The following SDK2 variants were observed in gnomAD, a reference collection of about 807,000 sequenced individuals.
SDK2 encodes the protein sidekick cell adhesion molecule 2, also known as protein sidekick-2.
In SDK2, 105 loss-of-function variants were observed where a neutral mutation model predicts 253.9. That is an observed-to-expected ratio of 0.41 (90% confidence interval 0.35 to 0.49). The LOEUF is 0.49. Among genes scored for constraint, SDK2 ranks in the 20% least tolerant of loss-of-function variants. SDK2 has a pLI of 0.06. For synonymous variants in SDK2, 1,249 were observed against 1,234.9 expected, an observed-to-expected ratio of 1.01 and a Z score of -0.24; for missense variants, 2,608 against 3,003.0, an observed-to-expected ratio of 0.87 and a Z score of 3.07.
chr17:73,371,046 A>T (rs1283950672), intron 36 of SDK2, among the ~76,000 whole-genome samples: 1 of 152,160 alleles, frequency 6.6e-6, no homozygotes, highest in Non-Finnish European at 1.5e-5. Context: ...CCTGGGCAAC[A>T]GAACAAGACT....
intron 1 of SDK2, among the ~76,000 whole-genome samples, chr17:73,596,912 C>A (rs114281234): frequency 0.021 from 3,228 of 152,340 alleles, 43 homozygotes; most frequent in Middle Eastern, 0.061. Flanking sequence ...CGCTTGCTCC[C>A]TCCACCCCTA....
chr17:73,636,598 T>C (rs773606178), intron 1 of SDK2, among the ~76,000 whole-genome samples: 10 of 144,780 alleles, frequency 6.9e-5, no homozygotes, highest in Non-Finnish European at 1.3e-4. Context: ...GGAGAATCAC[T>C]TGAACTTGGG....
intron 34 of SDK2, among the ~76,000 whole-genome samples, chr17:73,380,107 C>T (rs751168996): frequency 2.2e-4 from 33 of 152,150 alleles, no homozygotes; most frequent in Non-Finnish European, 4.0e-4. Context: ...AAGAAACGGG[C>T]GCAGTCACTG....
chr17:73,641,452 T>C (rs1328559537), intron 1 of SDK2, among the ~76,000 whole-genome samples: 1 of 152,158 alleles, frequency 6.6e-6, no homozygotes, highest in African/African-American at 2.4e-5. Context: ...CCAAAGCCAA[T>C]GCTCTTTCTA....
Position 73,431,355 on chromosome 17 carries a change from A to T in SDK2, c.1480+147T>A. 1.4e-6 allele frequency: 1 copy of T among 717,550 alleles called. No homozygotes were observed. The highest frequency in any genetic ancestry group is 2.1e-6 in the Non-Finnish European group (1 of 466,818). 44.4% of individuals were successfully genotyped at this position (717,550 alleles called of 1,614,324 possible). A position where few individuals can be genotyped will look rare whatever the true frequency, so the allele number is the denominator to read the frequency against. On this transcript the variant is annotated intron_variant, in intron 11 of 44. Transcript: ENST00000392650. The surrounding 1 kb of genome is among the most constrained non-coding windows in gnomAD (Gnocchi z 5.6). ...CCACTTTGTCACTGTCCCTCTGATG[A>T]GAAGGGCCCTGACTGGGACAGACAC...
At chr17:73,412,690 C>A (rs992613391) in intron 18 of SDK2, among the ~76,000 whole-genome samples, 2 of 151,944 alleles carry the variant, frequency 1.3e-5, no homozygotes, top group African/African-American at 2.4e-5. Context: ...CCGAGGCAGT[C>A]GAATTACTTG....
chr17:73,424,793 T>C (rs1451090975), intron 12 of SDK2, among the ~76,000 whole-genome samples: 1 of 152,174 alleles, frequency 6.6e-6, no homozygotes, highest in Non-Finnish European at 1.5e-5. Flanking sequence ...GTGGCTGAGA[T>C]GCTTTGCAAA....
At chr17:73,417,405 CAAA>C (rs111684261) in intron 16 of SDK2, among the ~76,000 whole-genome samples, 6 of 98,782 alleles carry the variant, frequency 6.1e-5, no homozygotes, top group African/African-American at 7.5e-5. Context: ...GACCCTGTCT[CAAA>C]AAAAAAAAAA....
intron 1 of SDK2, among the ~76,000 whole-genome samples, chr17:73,603,377 G>C (rs1280478736): frequency 1.3e-5 from 2 of 152,326 alleles, no homozygotes; most frequent in Middle Eastern, 3.4e-3. Flanking sequence ...GATTCATACT[G>C]ACCGCCAATG....
intron 18 of SDK2, among the ~76,000 whole-genome samples, chr17:73,404,437 C>A (rs2063054239): frequency 6.6e-6 from 1 of 152,174 alleles, no homozygotes; most frequent in Non-Finnish European, 1.5e-5. Context: ...GCTCAACACA[C>A]AACAGGGCTT....
chr17:73,435,446 T>G lies in SDK2; in HGVS notation c.1195+4A>C, dbSNP rs766210035. 3 of 1,585,968 alleles carry G rather than the reference T, an allele frequency of 1.9e-6. No homozygotes were observed. The African/African-American group carries it at 4.0e-5, about 21-fold the overall frequency. ...CGGGCAGCACAAGGGAAGGCCCAAC[T>G]TACTGGTGACAGCCAGGTAGGTGGA... On this transcript the variant is annotated splice_donor_region_variant and intron_variant, in intron 9 of 44. Coordinates refer to ENST00000392650, the MANE Select transcript of SDK2 (RefSeq NM_001144952.2). This position sits in a 1 kb window ranked among gnomAD's most constrained non-coding sequence, Gnocchi z 5.7.
At chr17:73,469,992 G>GCGCGCGCGCACACA (rs1328450219) in intron 3 of SDK2, among the ~76,000 whole-genome samples, 17 of 126,264 alleles carry the variant, frequency 1.3e-4, no homozygotes, top group African/African-American at 4.0e-4. Flanking sequence ...GCGCGCGCGC[G>GCGCGCGCGCACACA]CACACACACA....
At chr17:73,415,577 G>A (rs140358837) in intron 17 of SDK2, among the ~76,000 whole-genome samples, 12 of 152,048 alleles carry the variant, frequency 7.9e-5, no homozygotes, top group African/African-American at 2.7e-4. Context: ...AAACTCCTGG[G>A]CCCAAGCGAT....
At chr17:73,577,883 G>A (rs2045478393) in intron 1 of SDK2, among the ~76,000 whole-genome samples, 1 of 152,128 alleles carries the variant, frequency 6.6e-6, no homozygotes. Context: ...TTTAAGATAG[G>A]GAGACTATCC....
rs1410151090 is a variant in SDK2 at position 73,395,231 on chromosome 17, G to A, written c.3516C>T (p.Arg1172=). Residue 1172 remains arginine, a synonymous_variant, in exon 25 of 45, where the codon CGC becomes CGT. Coordinates refer to ENST00000392650, the MANE Select transcript of SDK2 (RefSeq NM_001144952.2). The surrounding 1 kb of genome is among the most constrained non-coding windows in gnomAD (Gnocchi z 4.3). The stretch of plus-strand genomic sequence containing the variant: ...TGGCGTTGAAGGCCTGGACCTGGAC[G>A]CGGTACTCTGTCCACTCCTCCAGGT... The part of the protein sequence containing the change: ...IEDLEEWTEY[R]VQVQAFNAIG... 5.6e-6 allele frequency: 9 copies of A among 1,613,206 alleles called. No homozygotes were observed. In the South Asian group the frequency reaches 7.7e-5, roughly 14 times the overall value.
Position 73,368,541 on chromosome 17 carries a change from A to G in SDK2, c.5033T>C (p.Leu1678Pro). 6.2e-7 allele frequency: 1 copy of G among 1,608,690 alleles called. No individual in the cohort carries two copies. The highest frequency in any genetic ancestry group is 8.5e-7 in the Non-Finnish European group (1 of 1,177,836). The change falls in exon 37 of 45, where the codon CTT becomes CCT. Residue 1678 changes from leucine (L) to proline (P), a missense_variant. Physicochemically the swap from Leu to Pro is moderately conservative, Grantham distance 98 (BLOSUM62 -3). This residue lies in a region of SDK2 where 1,103 missense variants were observed against 1,143.9 expected (regional missense o/e 0.96). Transcript: ENST00000392650. ...CTTCACGCTGTTCTCAGCCAGGAAA[A>G]GCGTCTTCACTCGCTCTGTGAGGTT... Reference protein sequence around the residue: ...RGNLTERVKTLFLAENSVKLK... With the variant: ...RGNLTERVKTPFLAENSVKLK...
intron 1 of SDK2, among the ~76,000 whole-genome samples, chr17:73,567,295 C>G (rs1438623718): frequency 2.6e-5 from 4 of 152,248 alleles, no homozygotes; most frequent in African/African-American, 9.6e-5. Context: ...CATGGTGAAG[C>G]CTGCAGGCAC....
Position 73,436,588 on chromosome 17 carries a change from A to AT in SDK2, c.1001-945_1001-944insA, listed in dbSNP as rs869292280. Among the ~76,000 whole-genome samples the AT allele has an allele frequency of 5.8e-4, 82 of 141,986 alleles. 1 individual carries two copies. Among genetic ancestry groups the AT allele is most frequent in the Middle Eastern group, 3.6e-3 (1 of 274 alleles). The allele number at this position is 141,986 out of a possible 152,430, so 93.1% of individuals were successfully genotyped here. On this transcript the variant is annotated intron_variant, in intron 8 of 44. Transcript: ENST00000392650. ...TGAGACTCAGTCTCAAAAAAAAAAA[A>AT]AAAAAAAAAAAAAAGACTTCCCCAG...
intron 1 of SDK2, among the ~76,000 whole-genome samples, chr17:73,622,452 A>G (rs1225806662): frequency 6.6e-6 from 1 of 152,202 alleles, no homozygotes; most frequent in Non-Finnish European, 1.5e-5. Context: ...GGCTGTTTTC[A>G]TAGCTGGGAC....
Sources: allele counts gnomAD v4.1 joint callset (sites outside exome capture counted in the v4.1 genomes callset), GRCh38; gene constraint gnomAD v4.1.1; regional missense constraint gnomAD v4.1.1; non-coding constraint Gnocchi (gnomAD v3.1); transcripts MANE v1.5; gene names NCBI Gene and HGNC (gene_info 2026-07-23, HGNC 2026-07-21).